ZNF609: variants seen among roughly 807,000 people sequenced by gnomAD.
ZNF609 encodes the protein zinc finger protein 609.
In ZNF609, 11 loss-of-function variants were observed where a neutral mutation model predicts 109.5. The observed-to-expected ratio is 0.10, with a 90% CI of 0.06 to 0.17. The LOEUF (loss-of-function observed/expected upper bound fraction) is 0.17. ZNF609 is among the 10% of genes least tolerant of loss of function. ZNF609 has a pLI of 1.00. For synonymous variants in ZNF609, 646 were observed against 662.0 expected (o/e 0.98, Z 0.37); for missense variants, 1,559 against 1,772.4 (o/e 0.88, Z 2.16).
intron 2 of ZNF609, among the ~76,000 whole-genome samples, chr15:64,550,694 G>A (rs1894452720): frequency 6.6e-6 from 1 of 152,042 alleles, no homozygotes; most frequent in Admixed American, 6.6e-5. Flanking sequence ...AAATTAGCTG[G>A]GTGTGGTGGC....
intron 3 of ZNF609, among the ~76,000 whole-genome samples, chr15:64,669,489 T>C (rs1478342979): frequency 1.3e-5 from 2 of 152,162 alleles, no homozygotes; most frequent in Non-Finnish European, 2.9e-5. Context: ...ATATAAAATA[T>C]CTGTGGAAGA....
At position 64,550,496 on chromosome 15, in the gene ZNF609, C is replaced by A. The variant is rs182715062; in HGVS notation, c.747+50330C>A. On this transcript the variant is annotated intron_variant, in intron 2 of 9. Transcript: ENST00000326648. ...ATTGCTTGATGCCAGGAGTTTAAAACCAGCCTGGGCAACATAGCAAGACCC... is the reference window on the plus strand; with the variant it reads ...ATTGCTTGATGCCAGGAGTTTAAAAACAGCCTGGGCAACATAGCAAGACCC... Among the ~76,000 whole-genome samples the A allele has an allele frequency of 6.6e-3, 1,005 of 151,710 alleles. 2 individuals carry two copies. Among genetic ancestry groups the A allele is most frequent in the Admixed American group, 0.011 (169 of 15,216 alleles).
At chr15:64,666,002 G>T (rs900313374) in intron 3 of ZNF609, among the ~76,000 whole-genome samples, 1 of 151,348 alleles carries the variant, frequency 6.6e-6, no homozygotes, top group African/African-American at 2.4e-5. Context: ...TTGAACCCAG[G>T]AGGCGGAGGT....
chr15:64,634,386 T>C (rs1896137561), intron 3 of ZNF609, among the ~76,000 whole-genome samples: 2 of 152,174 alleles, frequency 1.3e-5, no homozygotes, highest in Admixed American at 6.5e-5. Context: ...TTCATCCTCA[T>C]CTGATTGCAG....
At chr15:64,636,737 G>C (rs1390341066) in intron 3 of ZNF609, among the ~76,000 whole-genome samples, 1 of 152,182 alleles carries the variant, frequency 6.6e-6, no homozygotes, top group Admixed American at 6.5e-5. Context: ...TGTTGCCTTA[G>C]ATACTAGACT....
chr15:64,547,994 A>T (rs1332313692), intron 2 of ZNF609, among the ~76,000 whole-genome samples: 1 of 152,166 alleles, frequency 6.6e-6, no homozygotes, highest in Non-Finnish European at 1.5e-5. Context: ...ACTAATTCAT[A>T]ATTAATTATT....
At chr15:64,549,446 G>T (rs1178019703) in intron 2 of ZNF609, among the ~76,000 whole-genome samples, 1 of 152,176 alleles carries the variant, frequency 6.6e-6, no homozygotes. Flanking sequence ...AAAGTGCTGG[G>T]ATTACAGGCA....
intron 2 of ZNF609, among the ~76,000 whole-genome samples, chr15:64,570,703 CATGTT>C (rs1052755201): frequency 6.6e-6 from 1 of 152,064 alleles, no homozygotes; most frequent in African/African-American, 2.4e-5. Flanking sequence ...CTATTATTTT[CATGTT>C]ATGTTTTTTT....
At chr15:64,662,952 C>T (rs752568874) in intron 3 of ZNF609, among the ~76,000 whole-genome samples, 1 of 152,122 alleles carries the variant, frequency 6.6e-6, no homozygotes, top group Non-Finnish European at 1.5e-5. Flanking sequence ...CAGGCATGAG[C>T]CACCGTGCTT....
intron 2 of ZNF609, among the ~76,000 whole-genome samples, chr15:64,505,280 A>T (rs1567000020): frequency 6.6e-6 from 1 of 152,006 alleles, no homozygotes. Context: ...CCAAATTTTC[A>T]TTATAATAAT....
chr15:64,594,127 G>A (rs1364084781), intron 2 of ZNF609, among the ~76,000 whole-genome samples: 1 of 152,134 alleles, frequency 6.6e-6, no homozygotes, highest in Non-Finnish European at 1.5e-5. Context: ...GGTTGATACT[G>A]AACCCACTCC....
chr15:64,625,492 C>G (rs1373434551), intron 3 of ZNF609, among the ~76,000 whole-genome samples: 3 of 151,990 alleles, frequency 2.0e-5, no homozygotes, highest in Non-Finnish European at 4.4e-5. Flanking sequence ...TGCACTCTGG[C>G]CCAGGCAACA....
chr15:64,680,419 G>T, intron 7 of ZNF609, 59 bp downstream of exon 7: 1 of 1,585,884 alleles, frequency 6.3e-7, no homozygotes, highest in Non-Finnish European at 8.6e-7. Flanking sequence ...CAGATCCAGG[G>T]TCTGGGAGAA....
At chr15:64,533,794 T>C (rs1296483331) in intron 2 of ZNF609, among the ~76,000 whole-genome samples, 1 of 152,206 alleles carries the variant, frequency 6.6e-6, no homozygotes, top group Non-Finnish European at 1.5e-5. Context: ...TTTACCCAAT[T>C]TCCTCCAATA....
rs77057702 is a variant in ZNF609 at position 64,540,485 on chromosome 15, A to G, written c.747+40319A>G. ...AGTGGTGCAATCTTGACTCATTGCA[A>G]CCTCCGCCTCCTGGGTTCAAGTGAT... On this transcript the variant is annotated intron_variant, in intron 2 of 9. Coordinates refer to ENST00000326648, the MANE Select transcript of ZNF609 (RefSeq NM_015042.2). 2.1e-3 allele frequency among the ~76,000 whole-genome samples: 312 copies of G among 151,676 alleles called. 1 individual carries two copies. The highest frequency in any genetic ancestry group is 7.1e-3 in the African/African-American group (292 of 41,352).
intron 2 of ZNF609, among the ~76,000 whole-genome samples, chr15:64,510,918 G>C (rs1465781352): frequency 6.7e-6 from 1 of 148,388 alleles, no homozygotes; most frequent in African/African-American, 2.5e-5. Context: ...GTTTTCATTT[G>C]GTAATGAGTT....
At chr15:64,487,187 C>T (rs749803070) in intron 1 of ZNF609, among the ~76,000 whole-genome samples, 2 of 152,034 alleles carry the variant, frequency 1.3e-5, no homozygotes, top group Non-Finnish European at 1.5e-5. Flanking sequence ...CTATAAATCT[C>T]ATAGTCAAAC....
chr15:64,637,496 C>T (rs1217902708), intron 3 of ZNF609, among the ~76,000 whole-genome samples: 1 of 152,176 alleles, frequency 6.6e-6, no homozygotes, highest in Non-Finnish European at 1.5e-5. Context: ...ATTTACATTC[C>T]TACTTCCAAT....
At chr15:64,462,913 A>T (rs1892963273) in intron 1 of ZNF609, among the ~76,000 whole-genome samples, 1 of 152,218 alleles carries the variant, frequency 6.6e-6, no homozygotes, top group African/African-American at 2.4e-5. Flanking sequence ...TATTGTACAT[A>T]TCTGATAGAA....
Sources: gnomAD v4.1 joint callset for allele counts (sites outside exome capture counted in the v4.1 genomes callset) on GRCh38, gnomAD v4.1.1 for gene constraint, MANE v1.5 for transcripts, NCBI Gene and HGNC (gene_info 2026-07-23, HGNC 2026-07-21) for gene names.